RPS15A: variants seen among roughly 807,000 people sequenced by gnomAD.
RPS15A encodes the protein small ribosomal subunit protein uS8.
For synonymous variants in RPS15A, 55 were observed against 58.5 expected (o/e 0.94, Z 0.27); for missense variants, 62 against 163.4 (o/e 0.38, Z 3.38).
intron 2 of RPS15A, 59 bp downstream of exon 2, chr16:18,788,922 G>A (rs531170069): frequency 4.5e-6 from 7 of 1,557,792 alleles, no homozygotes; most frequent in Admixed American, 1.8e-5. Context: ...AATTTCTACA[G>A]GACTGATTTC....
At chr16:18,783,505 G>A (rs1041930171) in intron 4 of RPS15A, 10 of 366,992 alleles carry the variant, frequency 2.7e-5, no homozygotes, top group African/African-American at 8.5e-5. Flanking sequence ...ATATGGAGAC[G>A]TTCATTTGTA....
chr16:18,784,657 AAAG>A (rs1352145901), intron 4 of RPS15A, 78 bp downstream of exon 4: 1 of 1,108,804 alleles, frequency 9.0e-7, no homozygotes, highest in Non-Finnish European at 1.3e-6. Context: ...AAACAGAAAA[AAAG>A]AAAAAAACCC....
At chr16:18,785,988 CTTCCAAGCTCAAT>C (rs1567287271) in intron 3 of RPS15A, 2 of 152,348 alleles carry the variant, frequency 1.3e-5, no homozygotes, top group African/African-American at 4.8e-5. Context: ...CACTACCTTA[CTTCCAAGCTCAAT>C]TTCCACGCTA....
intron 2 of RPS15A, among the ~76,000 whole-genome samples, chr16:18,788,380 T>C (rs1311152774): frequency 2.0e-5 from 3 of 152,244 alleles, no homozygotes; most frequent in Non-Finnish European, 4.4e-5. Flanking sequence ...ATTTTCCCCT[T>C]GACCCTTCCT....
In RPS15A at chr16:18,782,249, T is replaced by G. The variant is rs2141856127; in HGVS notation, c.*760A>C. The G allele has an allele frequency of 1.0e-5, 1 of 99,568 alleles. No individual in the cohort carries two copies. The highest frequency in any genetic ancestry group is 3.8e-4 in the South Asian group (1 of 2,654). 6.2% of individuals were successfully genotyped at this position (99,568 alleles called of 1,614,324 possible). On this transcript the variant is annotated 3_prime_UTR_variant, in exon 5 of 5. Transcript: ENST00000322989. ...GAAGCGGAGGTGCAGTGAGCCAAGA[T>G]CATGCCACTGCACTCCAGCCTGTGT...
chr16:18,788,870 T>C (rs2029955477), intron 2 of RPS15A, 111 bp downstream of exon 2: 3 of 1,152,356 alleles, frequency 2.6e-6, no homozygotes, highest in Non-Finnish European at 3.8e-6. Flanking sequence ...TCAATTGCAT[T>C]CGTTCTCAGG....
At chr16:18,784,554 C>A in intron 4 of RPS15A, 184 bp downstream of exon 4, 1 of 550,700 alleles carries the variant, frequency 1.8e-6, no homozygotes, top group Non-Finnish European at 3.2e-6. Context: ...CCAACCCTGT[C>A]TCTTTTTAAA....
chr16:18,787,482 T>C (rs2029907898), intron 3 of RPS15A, among the ~76,000 whole-genome samples: 1 of 152,200 alleles, frequency 6.6e-6, no homozygotes, highest in Non-Finnish European at 1.5e-5. Context: ...GGAAGCACAG[T>C]GGACACCTCA....
In RPS15A at chr16:18,782,742, A is replaced by C. The variant is rs545427048; in HGVS notation, c.*267T>G. 9.4e-5 allele frequency: 27 copies of C among 286,032 alleles called. No individual in the cohort carries two copies. In the East Asian group the frequency reaches 1.8e-3, roughly 19 times the overall value. 17.7% of individuals were successfully genotyped at this position (286,032 alleles called of 1,614,324 possible). The stretch of plus-strand genomic sequence containing the variant: ...GTCTCCAAAAAAGAAAAAAAAAAAA[A>C]AAAACTGAAATACAACTAAAATATT... On this transcript the variant is annotated 3_prime_UTR_variant, in exon 5 of 5. Transcript: ENST00000322989.
intron 4 of RPS15A, chr16:18,784,526 G>A (rs552230383): frequency 2.7e-5 from 13 of 490,224 alleles, no homozygotes; most frequent in Middle Eastern, 5.4e-4. Flanking sequence ...GATCACAGGC[G>A]TGAGCCACTG....
At position 18,782,145 on chromosome 16, in the gene RPS15A, A is replaced by G. The variant is rs1016588578; in HGVS notation, c.*864T>C. 5.4e-5 allele frequency: 6 copies of G among 111,960 alleles called. No homozygotes were observed. The highest frequency in any genetic ancestry group is 1.0e-4 in the Admixed American group (1 of 10,020). The allele number at this position is 111,960 out of a possible 1,614,324, so 6.9% of individuals were successfully genotyped here. On this transcript the variant is annotated 3_prime_UTR_variant, in exon 5 of 5. Coordinates refer to ENST00000322989, the MANE Select transcript of RPS15A (RefSeq NM_001019.5). The stretch of plus-strand genomic sequence containing the variant: ...AACCCCACCTCTACTAAAAATACAA[A>G]AATCAGCCAGACATGGTGGCACACA...
In RPS15A at chr16:18,782,652, G is replaced by C. The variant is rs989221248; in HGVS notation, c.*357C>G. The C allele has an allele frequency of 6.2e-6, 1 of 160,578 alleles. No individual in the cohort carries two copies. Among genetic ancestry groups the C allele is most frequent in the African/African-American group, 2.4e-5 (1 of 41,128 alleles). 9.9% of individuals were successfully genotyped at this position (160,578 alleles called of 1,614,324 possible). On this transcript the variant is annotated 3_prime_UTR_variant, in exon 5 of 5. Coordinates refer to ENST00000322989, the MANE Select transcript of RPS15A (RefSeq NM_001019.5). ...CAGGACAATCACTTGAACCCGGGAGGTGGAGGTTGCAGTGGGCCAAGATCG... is the reference window on the plus strand; with the variant it reads ...CAGGACAATCACTTGAACCCGGGAGCTGGAGGTTGCAGTGGGCCAAGATCG...
chr16:18,784,670 C>T, intron 4 of RPS15A, 68 bp downstream of exon 4: 1 of 1,237,578 alleles, frequency 8.1e-7, no homozygotes, highest in Non-Finnish European at 1.1e-6. Flanking sequence ...GAAAAAAACC[C>T]TTAAGTCAAA....
At chr16:18,786,320 TGC>T in intron 3 of RPS15A, 1 of 181,624 alleles carries the variant, frequency 5.5e-6, no homozygotes, top group East Asian at 1.9e-4. Context: ...GCCAAGATCG[TGC>T]CACTGCACTC....
rs1483411223 is a variant in RPS15A at position 18,782,954 on chromosome 16, GT to G, written c.*54del. The G allele has an allele frequency of 1.8e-6, 2 of 1,122,938 alleles. No individual in the cohort carries two copies. Among genetic ancestry groups the G allele is most frequent in the Non-Finnish European group, 2.6e-6 (2 of 758,156 alleles). 69.6% of individuals were successfully genotyped at this position (1,122,938 alleles called of 1,614,324 possible). ...TGCTGTAAAGGCTCAAAACGACCAA[GT>G]GGAAGCACCAGAGTCCATGAGGCAT... On this transcript the variant is annotated 3_prime_UTR_variant, in exon 5 of 5. Transcript: ENST00000322989.
At chr16:18,783,188 T>G in intron 4 of RPS15A, 86 bp from the exon 5 acceptor site, 1 of 853,140 alleles carries the variant, frequency 1.2e-6, no homozygotes, top group South Asian at 1.5e-5. Flanking sequence ...CACTCATCAG[T>G]GGTTAAGGGC....
chr16:18,786,583 A>C (rs1316609208), intron 3 of RPS15A: 1 of 152,144 alleles, frequency 6.6e-6, no homozygotes, highest in Non-Finnish European at 1.5e-5. Flanking sequence ...TCCAAGACAA[A>C]CCTAAGCAAC....
intron 4 of RPS15A, chr16:18,783,636 C>T (rs957904962): frequency 1.1e-5 from 5 of 455,290 alleles, no homozygotes; most frequent in South Asian, 1.6e-5. Flanking sequence ...GTGAGAATAC[C>T]GTACCTGTAA....
intron 3 of RPS15A, chr16:18,786,679 G>C (rs2029891231): frequency 6.6e-6 from 1 of 152,058 alleles, no homozygotes; most frequent in Non-Finnish European, 1.5e-5. Context: ...CTACTCAGGA[G>C]GCTGAGGTGG....
Sources: gnomAD v4.1 joint callset for allele counts (sites outside exome capture counted in the v4.1 genomes callset) on GRCh38, gnomAD v4.1.1 for gene constraint, MANE v1.5 for transcripts, NCBI Gene and HGNC (gene_info 2026-07-23, HGNC 2026-07-21) for gene names.